NALCN: variants seen among roughly 807,000 people sequenced by gnomAD.
The protein encoded by NALCN is sodium leak channel, non-selective.
Under a neutral mutation model 225.3 loss-of-function variants are expected in NALCN, and 111 were observed. That is an observed-to-expected ratio of 0.49 (90% CI 0.42 to 0.58). The LOEUF (loss-of-function observed/expected upper bound fraction) is 0.58, where lower values mean the gene tolerates loss of function less well. Ranked by LOEUF, NALCN falls within the 20% of genes least tolerant of loss-of-function variation. The pLI is 0.00. For synonymous variants in NALCN, 764 were observed against 769.0 expected (o/e 0.99, Z 0.11); for missense variants, 1,378 against 2,202.4 (o/e 0.63, Z 7.49).
chr13:101,227,941 C>T (rs904040852), intron 13 of NALCN, among the ~76,000 whole-genome samples: 2 of 152,190 alleles, frequency 1.3e-5, no homozygotes, highest in African/African-American at 4.8e-5. Context: ...TACATCCAGC[C>T]ATTGGAGTCA....
chr13:101,218,030 G>A (rs2040806041), intron 13 of NALCN, among the ~76,000 whole-genome samples: 1 of 152,152 alleles, frequency 6.6e-6, no homozygotes, highest in African/African-American at 2.4e-5. Flanking sequence ...TCCTTCCCAT[G>A]TGATTAACCA....
intron 42 of NALCN, 39 bp downstream of exon 42, chr13:101,059,779 A>G: frequency 6.3e-7 from 1 of 1,590,336 alleles, no homozygotes; most frequent in Non-Finnish European, 8.6e-7. Flanking sequence ...AAAGAAGCCC[A>G]CAGAGTGTCC....
intron 11 of NALCN, among the ~76,000 whole-genome samples, chr13:101,251,533 A>G (rs1031032096): frequency 6.6e-6 from 1 of 152,154 alleles, no homozygotes; most frequent in African/African-American, 2.4e-5. Flanking sequence ...ACACACAAAT[A>G]TTGGTTATAA....
intron 15 of NALCN, among the ~76,000 whole-genome samples, chr13:101,175,809 C>T (rs2038936132): frequency 6.6e-6 from 1 of 152,172 alleles, no homozygotes; most frequent in Admixed American, 6.5e-5. Flanking sequence ...TGATGACATC[C>T]CGTCTGTTTT....
intron 7 of NALCN, among the ~76,000 whole-genome samples, chr13:101,332,118 T>C (rs67415560): frequency 0.13 from 19,641 of 151,870 alleles, 2,227 homozygotes; most frequent in African/African-American, 0.31. Context: ...GAGGATAGAA[T>C]AAAAAATATG....
At chr13:101,206,098 T>C (rs891953187) in intron 13 of NALCN, among the ~76,000 whole-genome samples, 2 of 152,092 alleles carry the variant, frequency 1.3e-5, no homozygotes, top group African/African-American at 4.8e-5. Context: ...TCTTTACAAA[T>C]GTGGAAATAT....
intron 30 of NALCN, 139 bp from the exon 31 acceptor site, chr13:101,083,943 A>G (rs1246219999): frequency 1.4e-6 from 1 of 690,608 alleles, no homozygotes; most frequent in Non-Finnish European, 2.2e-6. Flanking sequence ...GTGGTGAGAG[A>G]AACATGGTCA....
rs1247536257 is a variant in NALCN at position 101,292,290 on chromosome 13, G to C, written c.876C>G (p.Ser292Arg). 6.2e-7 allele frequency: 1 copy of C among 1,614,006 alleles called. No individual in the cohort carries two copies. The highest frequency in any genetic ancestry group is 8.5e-7 in the Non-Finnish European group (1 of 1,180,034). Reference protein sequence around the residue: ...WVFLMYRAIDSFPRWRSYFYF... With the variant: ...WVFLMYRAIDRFPRWRSYFYF... ...AGAAGTAGGAACGCCAACGGGGAAA[G>C]CTGTCAATTGCTCTGTACATGAGGA... Residue 292 changes from serine (S) to arginine (R), a missense_variant, in exon 8 of 44, where the codon AGC becomes AGG. Coordinates refer to ENST00000251127, the MANE Select transcript of NALCN (RefSeq NM_052867.4). The surrounding 1 kb of genome is among the most constrained non-coding windows in gnomAD (Gnocchi z 4.3).
At chr13:101,339,161 T>C (rs1329879329) in intron 7 of NALCN, among the ~76,000 whole-genome samples, 5 of 152,208 alleles carry the variant, frequency 3.3e-5, no homozygotes, top group Non-Finnish European at 1.5e-5. Context: ...ATTTTCTAAA[T>C]AGGGTAAGTT....
intron 3 of NALCN, among the ~76,000 whole-genome samples, chr13:101,379,385 C>A (rs1332653324): frequency 6.6e-6 from 1 of 152,086 alleles, no homozygotes; most frequent in African/African-American, 2.4e-5. Flanking sequence ...CAAAGGATTA[C>A]AAATCATTCT....
intron 18 of NALCN, among the ~76,000 whole-genome samples, chr13:101,122,786 A>C (rs1161104717): frequency 6.6e-6 from 1 of 152,210 alleles, no homozygotes; most frequent in Non-Finnish European, 1.5e-5. Context: ...AATTCAAATA[A>C]CATGTAACCA....
At chr13:101,087,122 T>C (rs2139534681) in intron 30 of NALCN, among the ~76,000 whole-genome samples, 1 of 152,272 alleles carries the variant, frequency 6.6e-6, no homozygotes, top group Non-Finnish European at 1.5e-5. Context: ...TCTTACATAG[T>C]AGAGAAATCA....
At chr13:101,353,555 T>C (rs2094175874) in intron 6 of NALCN, among the ~76,000 whole-genome samples, 1 of 152,190 alleles carries the variant, frequency 6.6e-6, no homozygotes, top group African/African-American at 2.4e-5. Flanking sequence ...TTGGAAAACT[T>C]TCAATGGCTC....
chr13:101,241,887 C>G lies in NALCN; in HGVS notation c.1267-3965G>C. 4.1e-5 allele frequency among the ~76,000 whole-genome samples: 2 copies of G among 48,964 alleles called. 1 individual carries two copies. The highest frequency in any genetic ancestry group is 9.6e-5 in the Non-Finnish European group (2 of 20,836). The allele number at this position is 48,964 out of a possible 152,430, so 32.1% of individuals were successfully genotyped here. A position where few individuals can be genotyped will look rare whatever the true frequency, so the allele number is the denominator to read the frequency against. ...ACTTTGCACAGGCCTCTAGTCACTT[C>G]CATCCTGGACACACTCCTGAAAACT... On this transcript the variant is annotated intron_variant, in intron 11 of 43. Transcript: ENST00000251127.
chr13:101,102,454 T>C (rs1233885679), intron 26 of NALCN, among the ~76,000 whole-genome samples: 1 of 152,146 alleles, frequency 6.6e-6, no homozygotes, highest in African/African-American at 2.4e-5. Context: ...ATGCTTCTCA[T>C]GCACAAGCAG....
intron 7 of NALCN, among the ~76,000 whole-genome samples, chr13:101,336,875 A>G (rs902700836): frequency 6.6e-6 from 1 of 152,242 alleles, no homozygotes; most frequent in Non-Finnish European, 1.5e-5. Context: ...TAGCAAACAC[A>G]TGCCTTATCA....
At chr13:101,227,483 G>A (rs1223603786) in intron 13 of NALCN, among the ~76,000 whole-genome samples, 2 of 152,120 alleles carry the variant, frequency 1.3e-5, no homozygotes, top group African/African-American at 4.8e-5. Flanking sequence ...CTCCTCCCGT[G>A]GAACACTGGC....
At chr13:101,321,329 T>C (rs1180934792) in intron 7 of NALCN, among the ~76,000 whole-genome samples, 1 of 151,910 alleles carries the variant, frequency 6.6e-6, no homozygotes, top group African/African-American at 2.4e-5. Flanking sequence ...AAAACCTGAG[T>C]GGCCAATAAA....
At position 101,155,402 on chromosome 13, in the gene NALCN, T is replaced by C. The variant is rs541080182; in HGVS notation, c.1840-10506A>G. ...TTCCTCTAATTCTTCTTGTTGTTAA[T>C]GACTTTGATGGTTTCGAGGAGTATC... On this transcript the variant is annotated intron_variant, in intron 15 of 43. Coordinates refer to ENST00000251127, the MANE Select transcript of NALCN (RefSeq NM_052867.4). Among the ~76,000 whole-genome samples, 128 of 152,370 alleles carry C rather than the reference T, an allele frequency of 8.4e-4. 3 individuals are homozygous for C. Among genetic ancestry groups the C allele is most frequent in the African/African-American group, 3.0e-3 (125 of 41,586 alleles).
Sources: gnomAD v4.1 joint callset for allele counts (sites outside exome capture counted in the v4.1 genomes callset) on GRCh38, gnomAD v4.1.1 for gene constraint, Gnocchi (gnomAD v3.1) non-coding constraint, MANE v1.5 for transcripts, NCBI Gene and HGNC (gene_info 2026-07-23, HGNC 2026-07-21) for gene names.